PDPN: variants seen among roughly 807,000 people sequenced by gnomAD.
PDPN encodes PA2.26 antigen.
PDPN carries 12 observed loss-of-function variants against 23.2 expected under a neutral mutation model. The ratio of observed to expected loss-of-function variants is 0.52; its 90% confidence interval spans 0.33 to 0.84. PDPN has a LOEUF of 0.84. PDPN is among the 40% of genes least tolerant of loss of function. PDPN has a pLI of 0.02. For missense variants in PDPN, 199 were observed against 212.2 expected (o/e 0.94, Z 0.39); for synonymous variants, 77 against 76.7 (o/e 1.00, Z -0.02).
intron 1 of PDPN, among the ~76,000 whole-genome samples, chr1:13,604,211 AAG>A (rs1275890361): frequency 2.0e-5 from 3 of 152,168 alleles, no homozygotes; most frequent in Non-Finnish European, 4.4e-5. Context: ...TCTTGGGGAA[AAG>A]AGGATTGGAA....
intron 2 of PDPN, among the ~76,000 whole-genome samples, chr1:13,607,872 AG>A (rs1216277370): frequency 2.6e-5 from 4 of 152,188 alleles, no homozygotes; most frequent in African/African-American, 9.7e-5. Context: ...TGGGAGGCTG[AG>A]GCAGGTGGAT....
chr1:13,598,355 A>G (rs555223803), intron 1 of PDPN, among the ~76,000 whole-genome samples: 16 of 151,914 alleles, frequency 1.1e-4, no homozygotes, highest in Admixed American at 9.8e-4. Flanking sequence ...ATGACTTCAA[A>G]TGCTCCCCAG....
chr1:13,597,744 G>A (rs967495501), intron 1 of PDPN, among the ~76,000 whole-genome samples: 3 of 152,112 alleles, frequency 2.0e-5, no homozygotes, highest in Non-Finnish European at 2.9e-5. Context: ...GGCCAAGGTG[G>A]AAGAGTCGCT....
At chr1:13,606,059 A>G (rs1640781945) in intron 1 of PDPN, among the ~76,000 whole-genome samples, 1 of 151,556 alleles carries the variant, frequency 6.6e-6, no homozygotes, top group African/African-American at 2.4e-5. Flanking sequence ...ATGCGATCTC[A>G]GCTTACTGTA....
chr1:13,605,948 A>G (rs1286060331), intron 1 of PDPN, among the ~76,000 whole-genome samples: 2 of 151,744 alleles, frequency 1.3e-5, no homozygotes, highest in African/African-American at 4.8e-5. Context: ...GGCATGACAC[A>G]TCATTTGTCC....
chr1:13,601,046 G>A (rs769161935), intron 1 of PDPN, among the ~76,000 whole-genome samples: 11 of 152,192 alleles, frequency 7.2e-5, no homozygotes, highest in Non-Finnish European at 1.6e-4. Context: ...TGTCTTCCAC[G>A]TTAAGTGGAA....
Position 13,613,678 on chromosome 1 carries a change from T to A in PDPN, c.332-9T>A, listed in dbSNP as rs761079485. The A allele has an allele frequency of 2.2e-6, 3 of 1,350,528 alleles. No individual in the cohort carries two copies. Among genetic ancestry groups the A allele is most frequent in the Non-Finnish European group, 3.2e-6 (3 of 943,054 alleles). 83.7% of individuals were successfully genotyped at this position (1,350,528 alleles called of 1,614,324 possible). ...ATAATTCTACATTATTATATCTTTC[T>A]ATTCACAGAGAAAGTGGATGGAGAC... On this transcript the variant is annotated splice_polypyrimidine_tract_variant and intron_variant, in intron 3 of 5. Transcript: ENST00000621990.
At chr1:13,604,732 G>A (rs778190670) in intron 1 of PDPN, among the ~76,000 whole-genome samples, 6 of 152,136 alleles carry the variant, frequency 3.9e-5, no homozygotes, top group Non-Finnish European at 8.8e-5. Flanking sequence ...ACCAGGTGAG[G>A]AAGAAATAAA....
intron 1 of PDPN, among the ~76,000 whole-genome samples, chr1:13,596,140 A>G (rs898190268): frequency 6.6e-6 from 1 of 151,656 alleles, no homozygotes; most frequent in African/African-American, 2.4e-5. Context: ...CGGAGGTTGC[A>G]ATGAGCCAAG....
At chr1:13,592,842 G>A (rs1261024) in intron 1 of PDPN, among the ~76,000 whole-genome samples, 7,364 of 152,152 alleles carry the variant, frequency 0.048, 316 homozygotes, top group East Asian at 0.22. Flanking sequence ...GAGCCACCGC[G>A]CCTGGCCAAA....
In PDPN at chr1:13,610,370, A is replaced by T. The variant is rs1640901723; in HGVS notation, c.202-17A>T. 1.2e-6 allele frequency: 2 copies of T among 1,609,146 alleles called. No homozygotes were observed. The highest frequency in any genetic ancestry group is 1.3e-5 in the African/African-American group (1 of 74,722). On this transcript the variant is annotated splice_polypyrimidine_tract_variant and intron_variant, in intron 2 of 5. Transcript: ENST00000621990. ...TAGGCTTTATTTCCTGTTTTTCCTC[A>T]TTTACACCTACAATAGGTGGCAACA... is the stretch of plus-strand genomic sequence containing the variant.
chr1:13,585,383 G>T lies in PDPN; in HGVS notation c.67+1283G>T. 6.8e-6 allele frequency: 5 copies of T among 740,006 alleles called. No homozygotes were observed. In the South Asian group the frequency reaches 9.2e-5, roughly 14 times the overall value. 45.8% of individuals were successfully genotyped at this position (740,006 alleles called of 1,614,324 possible). A position where few individuals can be genotyped will look rare whatever the true frequency, so the allele number is the denominator to read the frequency against. On this transcript the variant is annotated intron_variant, in intron 1 of 5. Coordinates refer to ENST00000621990, the MANE Select transcript of PDPN (RefSeq NM_006474.5). ...GCAACTCTTTTTATAGGGGCCGTGG[G>T]TTATTCGTAGCAGTCCTATCTTTGG...
At chr1:13,610,052 G>A (rs1042558950) in intron 2 of PDPN, among the ~76,000 whole-genome samples, 2 of 152,080 alleles carry the variant, frequency 1.3e-5, no homozygotes, top group African/African-American at 2.4e-5. Context: ...CAACAAGAGC[G>A]AAACTCCATC....
At chr1:13,606,888 T>C (rs951391115) in intron 1 of PDPN, among the ~76,000 whole-genome samples, 8 of 152,162 alleles carry the variant, frequency 5.3e-5, no homozygotes, top group African/African-American at 1.9e-4. Flanking sequence ...ACGTCCCCTG[T>C]CCAGGCCACC....
At chr1:13,593,063 G>C (rs969745288) in intron 1 of PDPN, among the ~76,000 whole-genome samples, 1 of 152,106 alleles carries the variant, frequency 6.6e-6, no homozygotes, top group Admixed American at 6.6e-5. Context: ...TGATTCTCCT[G>C]TCTGTATTTT....
chr1:13,583,767 G>GC, upstream of PDPN: 1 of 1,499,050 alleles, frequency 6.7e-7, no homozygotes, highest in Non-Finnish European at 8.9e-7. Flanking sequence ...AGACCACCTT[G>GC]CGGCCGACCC....
intron 1 of PDPN, 187 bp downstream of exon 1, chr1:13,584,287 A>C (rs1430973293): frequency 6.6e-7 from 1 of 1,525,534 alleles, no homozygotes; most frequent in Non-Finnish European, 8.8e-7. Context: ...CCAGGTCCCA[A>C]AGACGCAGCT....
chr1:13,599,373 CTTTTTTTTTTTTTTTTTT>C (rs70984267), intron 1 of PDPN, among the ~76,000 whole-genome samples: 2 of 77,086 alleles, frequency 2.6e-5, no homozygotes, highest in Non-Finnish European at 4.6e-5. Flanking sequence ...GAGAAGCTAT[CTTTTTTTTTTTTTTTTTT>C]TTTTTTTTTT....
chr1:13,600,956 T>A (rs1640627621), intron 1 of PDPN, among the ~76,000 whole-genome samples: 1 of 152,098 alleles, frequency 6.6e-6, no homozygotes, highest in South Asian at 2.1e-4. Flanking sequence ...AGCGCTGTTG[T>A]GAAATAAAGT....
Sources: allele counts gnomAD v4.1 joint callset (sites outside exome capture counted in the v4.1 genomes callset), GRCh38; gene constraint gnomAD v4.1.1; transcripts MANE v1.5; gene names NCBI Gene and HGNC (gene_info 2026-07-23, HGNC 2026-07-21).